Variants in ADD3 observed in about 807,000 individuals in gnomAD.
ADD3 encodes gamma-adducin.
Under a neutral mutation model 80.2 loss-of-function variants are expected in ADD3, and 25 were observed. The ratio of observed to expected loss-of-function variants is 0.31; its 90% CI spans 0.23 to 0.44. The LOEUF is 0.44. Among genes scored for constraint, ADD3 ranks in the 20% least tolerant of loss-of-function variants. The probability of loss-of-function intolerance (pLI) is 1.00; values close to 1 mark genes in which losing one functional copy is unlikely to be tolerated. For synonymous variants in ADD3, 284 were observed against 289.6 expected (o/e 0.98, Z 0.20); for missense variants, 829 against 847.5 (o/e 0.98, Z 0.27).
At chr10:110,089,308 T>A (rs1297613199) in intron 1 of ADD3, among the ~76,000 whole-genome samples, 4 of 152,318 alleles carry the variant, frequency 2.6e-5, no homozygotes, top group African/African-American at 9.6e-5. Flanking sequence ...TTAAAACCTC[T>A]CATTTATCAT....
At chr10:110,007,410 C>T (rs1851729641), upstream of ADD3, among the ~76,000 whole-genome samples, 1 of 152,226 alleles carries the variant, frequency 6.6e-6, no homozygotes, top group South Asian at 2.1e-4. Flanking sequence ...GCAGTGGCCT[C>T]CTACAGCCCC....
intron 1 of ADD3, among the ~76,000 whole-genome samples, chr10:110,072,429 C>G (rs1419511364): frequency 1.3e-5 from 2 of 152,156 alleles, no homozygotes; most frequent in Non-Finnish European, 2.9e-5. Context: ...GGGCCCTGCC[C>G]TCAAGTTGCA....
chr10:110,094,394 A>ATTC (rs1222362697), intron 1 of ADD3, among the ~76,000 whole-genome samples: 11 of 152,186 alleles, frequency 7.2e-5, no homozygotes, highest in African/African-American at 2.7e-4. Context: ...CTCATCTGTA[A>ATTC]AAAGTGATCA....
intron 12 of ADD3, among the ~76,000 whole-genome samples, chr10:110,128,660 G>T (rs1180479520): frequency 6.6e-6 from 1 of 152,108 alleles, no homozygotes; most frequent in East Asian, 1.9e-4. Context: ...CTCGTGATCT[G>T]CCCGCCTTGG....
chr10:110,025,362 C>T (rs903521157), intron 1 of ADD3, among the ~76,000 whole-genome samples: 5 of 151,646 alleles, frequency 3.3e-5, no homozygotes, highest in South Asian at 2.1e-4. Flanking sequence ...AATTTTAGTT[C>T]GATATTTGTG....
At chr10:110,065,887 T>G (rs558693710) in intron 1 of ADD3, among the ~76,000 whole-genome samples, 419 of 152,098 alleles carry the variant, frequency 2.8e-3, no homozygotes, top group Non-Finnish European at 4.2e-3. Context: ...GTCTCTGTGC[T>G]TCATTCTCGC....
intron 1 of ADD3, among the ~76,000 whole-genome samples, chr10:110,089,821 T>C (rs1847243686): frequency 6.6e-6 from 1 of 152,208 alleles, no homozygotes; most frequent in African/African-American, 2.4e-5. Context: ...TAATGATTAA[T>C]GATTGAGTTT....
chr10:110,126,281 G>A (rs1052384707), intron 11 of ADD3, 136 bp from the exon 12 acceptor site: 2 of 655,454 alleles, frequency 3.1e-6, no homozygotes, highest in Admixed American at 2.7e-5. Flanking sequence ...TGGTAAAAGA[G>A]GTCTTTATGG....
chr10:110,127,903 T>G (rs563397296), intron 12 of ADD3, among the ~76,000 whole-genome samples: 1 of 152,352 alleles, frequency 6.6e-6, no homozygotes, highest in East Asian at 1.9e-4. Context: ...CAGTCTGAAA[T>G]GCCTTTATTC....
intron 1 of ADD3, among the ~76,000 whole-genome samples, chr10:110,033,540 T>A (rs565875759): frequency 6.6e-6 from 1 of 152,184 alleles, no homozygotes; most frequent in African/African-American, 2.4e-5. Context: ...TTGGGATCCA[T>A]CCAGCTGGCA....
chr10:110,116,999 C>T (rs1469128291), intron 4 of ADD3, among the ~76,000 whole-genome samples: 1 of 151,958 alleles, frequency 6.6e-6, no homozygotes, highest in Non-Finnish European at 1.5e-5. Context: ...CCCATTTTGC[C>T]TTAACTTCCA....
At chr10:110,037,842 G>A (rs971043535) in intron 1 of ADD3, among the ~76,000 whole-genome samples, 7 of 151,854 alleles carry the variant, frequency 4.6e-5, no homozygotes, top group Admixed American at 6.6e-5. Context: ...TGAGGCAGGC[G>A]GATCACCTGA....
intron 1 of ADD3, 28 bp from the exon 2 acceptor site, chr10:110,100,597 A>T: frequency 7.3e-7 from 1 of 1,372,848 alleles, no homozygotes; most frequent in Non-Finnish European, 9.6e-7. Flanking sequence ...TTTATCATGG[A>T]TGTCCTTCTT....
intron 1 of ADD3, among the ~76,000 whole-genome samples, chr10:110,023,833 G>A (rs1431354418): frequency 2.0e-5 from 3 of 152,214 alleles, no homozygotes; most frequent in Non-Finnish European, 4.4e-5. Context: ...GTTTACAAAT[G>A]AAGGTGCTTC....
intron 1 of ADD3, among the ~76,000 whole-genome samples, chr10:110,097,777 C>CT (rs137999902): frequency 0.21 from 28,577 of 137,110 alleles, 7,581 homozygotes; most frequent in African/African-American, 0.63. Context: ...CTTTGTTTTT[C>CT]TTTTTTTTTT....
At chr10:110,061,361 T>G (rs1364722980) in intron 1 of ADD3, among the ~76,000 whole-genome samples, 1 of 152,206 alleles carries the variant, frequency 6.6e-6, no homozygotes, top group Non-Finnish European at 1.5e-5. Flanking sequence ...GTCTTTTTTT[T>G]GGGTGGAGTG....
chr10:110,014,905 C>T (rs1281370792), intron 1 of ADD3, among the ~76,000 whole-genome samples: 5 of 151,976 alleles, frequency 3.3e-5, no homozygotes, highest in African/African-American at 4.8e-5. Flanking sequence ...GACGGAGTCT[C>T]GCACTGTTGC....
intron 1 of ADD3, among the ~76,000 whole-genome samples, chr10:110,054,905 C>T (rs1227678403): frequency 2.0e-5 from 3 of 151,804 alleles, no homozygotes; most frequent in African/African-American, 4.8e-5. Flanking sequence ...TGAGCCACCG[C>T]GCCTGGCCTC....
Position 110,112,456 on chromosome 10 carries a change from C to CT in ADD3, c.196-312dup, listed in dbSNP as rs561609696. The CT allele has an allele frequency of 5.0e-3, 975 of 193,732 alleles. 4 individuals are homozygous for CT. Among genetic ancestry groups the CT allele is most frequent in the South Asian group, 0.014 (101 of 7,448 alleles). The allele number at this position is 193,732 out of a possible 1,614,324, so 12.0% of individuals were successfully genotyped here. A position where few individuals can be genotyped will look rare whatever the true frequency, so the allele number is the denominator to read the frequency against. On this transcript the variant is annotated intron_variant, in intron 2 of 14. Transcript: ENST00000356080. Reference sequence around the variant, plus strand: ...CTTAGCTAAGCAAGGAGTGGGTCACCTTTTTTTTTACAATGGTTTCTTGGT... The same window carrying CT: ...CTTAGCTAAGCAAGGAGTGGGTCACCTTTTTTTTTTACAATGGTTTCTTGGT...
Sources: allele counts gnomAD v4.1 joint callset (sites outside exome capture counted in the v4.1 genomes callset), GRCh38; gene constraint gnomAD v4.1.1; transcripts MANE v1.5; gene names NCBI Gene and HGNC (gene_info 2026-07-23, HGNC 2026-07-21).